Variants in ATP10B observed in about 807,000 individuals in gnomAD.
ATP10B encodes phospholipid-transporting ATPase VB.
A neutral mutation model predicts 141.2 loss-of-function variants in ATP10B; 122 were observed. The ratio of observed to expected loss-of-function variants is 0.86; its 90% CI spans 0.75 to 1.00. The LOEUF is 1.00. ATP10B is among the 50% of genes least tolerant of loss of function. ATP10B has a pLI of 0.00. For missense variants in ATP10B, 1,876 were observed against 1,825.3 expected (o/e 1.03, Z -0.51); for synonymous variants, 685 against 692.0 (o/e 0.99, Z 0.16).
chr5:160,758,926 G>A (rs1581476783), intron 2 of ATP10B, among the ~76,000 whole-genome samples: 1 of 152,158 alleles, frequency 6.6e-6, no homozygotes, highest in South Asian at 2.1e-4. Flanking sequence ...CTTTTTCACT[G>A]TCTGCCATGG....
rs1054269099 is a variant in ATP10B, at chr5:160,687,939, G to A, written c.136C>T (p.Arg46Trp). The change falls in exon 5 of 26, where the codon CGG becomes TGG. Residue 46 changes from arginine (R) to tryptophan (W), a missense_variant. Arg to Trp is a moderately radical substitution (Grantham distance 101). Coordinates refer to ENST00000327245, the MANE Select transcript of ATP10B (RefSeq NM_025153.3). ...GRQSYNLTQQ[R>W]VVFPNNSIFH... is the part of the protein sequence containing the mutation. ...ATGCTGTTGTTGGGGAACACGACCC[G>A]CTGCTGTGTCAAGTTGTAGCTCTGT... The A allele has an allele frequency of 8.7e-6, 14 of 1,613,970 alleles. No individual in the cohort carries two copies. The highest frequency in any genetic ancestry group is 1.6e-4 in the Middle Eastern group (1 of 6,082).
chr5:160,907,601 TC>T, the ATP10B span, among the ~76,000 whole-genome samples: 1 of 152,120 alleles, frequency 6.6e-6, no homozygotes, highest in African/African-American at 2.4e-5. Context: ...GCTCAAGCAA[TC>T]CTCTTGCTCT....
chr5:160,867,655 A>G, the ATP10B span, among the ~76,000 whole-genome samples: 1 of 152,158 alleles, frequency 6.6e-6, no homozygotes, highest in Admixed American at 6.6e-5. Context: ...GTTACAGAAC[A>G]TTCACCAGAA....
intron 1 of ATP10B, among the ~76,000 whole-genome samples, chr5:160,823,001 C>CATATATATATATATATAT (rs60078265): frequency 5.8e-5 from 2 of 34,484 alleles, no homozygotes; most frequent in African/African-American, 9.3e-5. Flanking sequence ...TATATATATA[C>CATATATATATATATATAT]ATATATATAT....
At chr5:160,903,971 T>C in the ATP10B span, among the ~76,000 whole-genome samples, 1 of 152,112 alleles carries the variant, frequency 6.6e-6, no homozygotes, top group Non-Finnish European at 1.5e-5. Context: ...TGGGTCATCC[T>C]CACCTGACAG....
At chr5:160,667,144 G>A (rs565184030) in intron 7 of ATP10B, among the ~76,000 whole-genome samples, 9 of 152,174 alleles carry the variant, frequency 5.9e-5, no homozygotes, top group Non-Finnish European at 1.2e-4. Context: ...CGTGAACCCG[G>A]GAGGCGGAGC....
At chr5:160,839,906 C>A (rs1445656869) in intron 1 of ATP10B, among the ~76,000 whole-genome samples, 1 of 151,892 alleles carries the variant, frequency 6.6e-6, no homozygotes, top group Non-Finnish European at 1.5e-5. Flanking sequence ...ATGCTAAAAA[C>A]CACATTATAG....
intron 1 of ATP10B, among the ~76,000 whole-genome samples, chr5:160,790,503 G>A (rs922983073): frequency 4.6e-5 from 7 of 152,104 alleles, no homozygotes; most frequent in Non-Finnish European, 8.8e-5. Flanking sequence ...ATGAGTTGGT[G>A]CACAACTCCC....
chr5:160,745,832 G>A (rs1047222700), intron 2 of ATP10B, among the ~76,000 whole-genome samples: 1 of 152,212 alleles, frequency 6.6e-6, no homozygotes, highest in Non-Finnish European at 1.5e-5. Flanking sequence ...ATGACCAAAG[G>A]TTGTGAAATA....
chr5:160,732,744 G>A (rs962796940), intron 2 of ATP10B, among the ~76,000 whole-genome samples: 1 of 152,154 alleles, frequency 6.6e-6, no homozygotes, highest in African/African-American at 2.4e-5. Context: ...GCCTCTAGCT[G>A]TATTCATTTT....
chr5:160,695,749 A>T (rs1193786399), intron 3 of ATP10B, among the ~76,000 whole-genome samples: 1 of 152,218 alleles, frequency 6.6e-6, no homozygotes, highest in African/African-American at 2.4e-5. Flanking sequence ...AATTAAGTTT[A>T]ATCTATACTT....
At chr5:160,844,473 G>T (rs911255323) in intron 1 of ATP10B, among the ~76,000 whole-genome samples, 2 of 151,828 alleles carry the variant, frequency 1.3e-5, no homozygotes, top group African/African-American at 4.8e-5. Context: ...TTTTTCACAG[G>T]TGCCACCACA....
chr5:160,693,920 A>G (rs1435598690), intron 3 of ATP10B, among the ~76,000 whole-genome samples: 1 of 152,214 alleles, frequency 6.6e-6, no homozygotes, highest in African/African-American at 2.4e-5. Context: ...CCCGTGGCCC[A>G]GGGACTGGGG....
At chr5:160,867,049 T>C in the ATP10B span, among the ~76,000 whole-genome samples, 3 of 152,168 alleles carry the variant, frequency 2.0e-5, no homozygotes, top group South Asian at 6.2e-4. Flanking sequence ...TTCCATCATG[T>C]ACTAGCTATA....
intron 6 of ATP10B, among the ~76,000 whole-genome samples, chr5:160,678,385 C>T (rs1046121274): frequency 1.3e-5 from 2 of 152,116 alleles, no homozygotes; most frequent in African/African-American, 4.8e-5. Flanking sequence ...ACTGGCTGGG[C>T]GTGGTGGCTC....
At chr5:160,780,108 T>G (rs936243543) in intron 2 of ATP10B, among the ~76,000 whole-genome samples, 19 of 152,210 alleles carry the variant, frequency 1.2e-4, no homozygotes, top group Admixed American at 7.9e-4. Context: ...CACTGCTAAT[T>G]ATTAGAACAA....
At chr5:160,714,665 C>T (rs59445184) in intron 3 of ATP10B, among the ~76,000 whole-genome samples, 8 of 112,778 alleles carry the variant, frequency 7.1e-5, no homozygotes, top group Non-Finnish European at 9.0e-5. Flanking sequence ...TGAGGAACTG[C>T]GTTCCTTTGG....
At chr5:160,741,103 C>G (rs1767440645) in intron 2 of ATP10B, among the ~76,000 whole-genome samples, 1 of 152,176 alleles carries the variant, frequency 6.6e-6, no homozygotes, top group South Asian at 2.1e-4. Flanking sequence ...TGAGTCCTCT[C>G]CCAGGCTTGT....
chr5:160,801,081 T>C (rs1772343648), intron 1 of ATP10B, among the ~76,000 whole-genome samples: 1 of 152,196 alleles, frequency 6.6e-6, no homozygotes, highest in Non-Finnish European at 1.5e-5. Context: ...GATGCAACTT[T>C]GGCCTCCTCC....
Sources: gnomAD v4.1 joint callset for allele counts (sites outside exome capture counted in the v4.1 genomes callset) on GRCh38, gnomAD v4.1.1 for gene constraint, MANE v1.5 for transcripts, NCBI Gene and HGNC (gene_info 2026-07-23, HGNC 2026-07-21) for gene names.